Variants in IMMP2L observed in about 807,000 individuals in gnomAD.
The protein encoded by IMMP2L is mitochondrial inner membrane protease subunit 2.
In IMMP2L, 18 loss-of-function variants were observed where a neutral mutation model predicts 19.3. The ratio of observed to expected loss-of-function variants is 0.93; its 90% confidence interval spans 0.64 to 1.38. IMMP2L has a LOEUF of 1.38. Among genes scored for constraint, IMMP2L ranks in the 40% most tolerant of loss-of-function variants. The pLI, the probability that IMMP2L is intolerant of heterozygous loss-of-function variation, is 0.00. For synonymous variants in IMMP2L, 76 were observed against 73.0 expected, an observed-to-expected ratio of 1.04 and a Z score of -0.21; for missense variants, 233 against 218.2, an observed-to-expected ratio of 1.07 and a Z score of -0.43.
At chr7:111,310,346 A>T (rs1179899038) in intron 3 of IMMP2L, among the ~76,000 whole-genome samples, 1 of 152,020 alleles carries the variant, frequency 6.6e-6, no homozygotes, top group Non-Finnish European at 1.5e-5. Context: ...ATGGCACAAA[A>T]AGTATTAAGA....
chr7:110,704,152 C>A (rs1056639849), intron 5 of IMMP2L, among the ~76,000 whole-genome samples: 1 of 152,068 alleles, frequency 6.6e-6, no homozygotes, highest in African/African-American at 2.4e-5. Context: ...GAGTTACTTA[C>A]CAAATTCCTA....
intron 1 of IMMP2L, among the ~76,000 whole-genome samples, chr7:111,547,509 C>G (rs1308652014): frequency 6.7e-6 from 1 of 150,242 alleles, no homozygotes; most frequent in Non-Finnish European, 1.5e-5. Flanking sequence ...TGTCATACCC[C>G]CCCCCCCTTT....
chr7:110,901,998 C>CATT (rs1811920025), intron 4 of IMMP2L, among the ~76,000 whole-genome samples: 1 of 151,956 alleles, frequency 6.6e-6, no homozygotes, highest in Non-Finnish European at 1.5e-5. Context: ...GAAAGATAAA[C>CATT]ATTATTGAAA....
intron 3 of IMMP2L, among the ~76,000 whole-genome samples, chr7:111,322,287 T>G (rs139587002): frequency 6.6e-6 from 1 of 151,930 alleles, no homozygotes; most frequent in Non-Finnish European, 1.5e-5. Context: ...GCCAGATAAA[T>G]AGATTCTCAA....
intron 3 of IMMP2L, among the ~76,000 whole-genome samples, chr7:111,173,777 A>T (rs1322037505): frequency 6.6e-6 from 1 of 151,680 alleles, no homozygotes; most frequent in Non-Finnish European, 1.5e-5. Flanking sequence ...AATGAAAACT[A>T]ATCAGTCACA....
intron 4 of IMMP2L, among the ~76,000 whole-genome samples, chr7:110,895,446 A>G (rs760717701): frequency 1.3e-5 from 2 of 152,122 alleles, no homozygotes; most frequent in Non-Finnish European, 2.9e-5. Context: ...AGGTCTTGAA[A>G]TCAGGTGCAA....
chr7:111,133,763 G>C (rs1451884594), intron 3 of IMMP2L, among the ~76,000 whole-genome samples: 3 of 151,798 alleles, frequency 2.0e-5, no homozygotes, highest in Admixed American at 2.0e-4. Context: ...AAAGACAAAA[G>C]AAAATAGACA....
At chr7:111,207,763 T>C (rs1179426377) in intron 3 of IMMP2L, among the ~76,000 whole-genome samples, 3 of 152,038 alleles carry the variant, frequency 2.0e-5, no homozygotes, top group African/African-American at 7.2e-5. Context: ...CTCAATCTCC[T>C]GATCTCGTGA....
chr7:110,785,259 T>C (rs952276244), intron 5 of IMMP2L, among the ~76,000 whole-genome samples: 4 of 151,998 alleles, frequency 2.6e-5, no homozygotes, highest in Non-Finnish European at 5.9e-5. Context: ...TTTTAAAAAT[T>C]TGCATCAACA....
At position 111,204,477 on chromosome 7, in the gene IMMP2L, G is replaced by A. The variant is rs73714688; in HGVS notation, c.240-240912C>T. ...CCAAGCATACTAAGTATTAAATAAT[G>A]CCAGTTGATCTATATTATGTGTATT... is the stretch of plus-strand genomic sequence containing the variant. On this transcript the variant is annotated intron_variant, in intron 3 of 5. Coordinates refer to ENST00000405709, the MANE Select transcript of IMMP2L (RefSeq NM_032549.4). Among the ~76,000 whole-genome samples, 310 of 152,108 alleles carry A rather than the reference G, an allele frequency of 2.0e-3. 3 individuals carry two copies. The highest frequency in any genetic ancestry group is 7.1e-3 in the African/African-American group (294 of 41,500).
chr7:111,163,145 G>A (rs769781085), intron 3 of IMMP2L, among the ~76,000 whole-genome samples: 1 of 152,106 alleles, frequency 6.6e-6, no homozygotes, highest in Non-Finnish European at 1.5e-5. Context: ...CATTCTGGGA[G>A]ACAACTGTCA....
At chr7:110,862,209 G>A (rs1049452983) in intron 5 of IMMP2L, among the ~76,000 whole-genome samples, 3 of 151,468 alleles carry the variant, frequency 2.0e-5, no homozygotes, top group African/African-American at 7.3e-5. Flanking sequence ...GACTTTTAAA[G>A]TCAATTTTTT....
intron 5 of IMMP2L, among the ~76,000 whole-genome samples, chr7:110,814,584 A>C (rs1802317528): frequency 6.6e-6 from 1 of 150,864 alleles, no homozygotes. Flanking sequence ...TACCAGGACA[A>C]CCTGATTTCT....
intron 3 of IMMP2L, among the ~76,000 whole-genome samples, chr7:110,987,564 G>A (rs1445170105): frequency 6.6e-6 from 1 of 152,130 alleles, no homozygotes; most frequent in Non-Finnish European, 1.5e-5. Flanking sequence ...GATGTTAATG[G>A]TAGAACCTTA....
chr7:111,426,321 C>A lies in IMMP2L; in HGVS notation c.239+60917G>T, dbSNP rs79004889. Reference sequence around the variant, plus strand: ...AATCACCAGTATAATTTAGGTTTTGCTTATTCACCACTAAATCACAGCAAC... The same window carrying A: ...AATCACCAGTATAATTTAGGTTTTGATTATTCACCACTAAATCACAGCAAC... On this transcript the variant is annotated intron_variant, in intron 3 of 5. Coordinates refer to ENST00000405709, the MANE Select transcript of IMMP2L (RefSeq NM_032549.4). Among the ~76,000 whole-genome samples, 798 of 150,960 alleles carry A rather than the reference C, an allele frequency of 5.3e-3. 33 individuals are homozygous for A. The highest frequency in any genetic ancestry group is 0.036 in the Admixed American group (544 of 15,128).
intron 3 of IMMP2L, among the ~76,000 whole-genome samples, chr7:111,254,018 C>T (rs553005049): frequency 6.6e-6 from 1 of 152,216 alleles, no homozygotes; most frequent in African/African-American, 2.4e-5. Flanking sequence ...TTATCTAACT[C>T]CACATAGTGC....
At chr7:111,380,273 T>C (rs753471394) in intron 3 of IMMP2L, among the ~76,000 whole-genome samples, 1 of 151,950 alleles carries the variant, frequency 6.6e-6, no homozygotes, top group African/African-American at 2.4e-5. Context: ...AAGTTAGATA[T>C]TTAATATCTT....
intron 1 of IMMP2L, among the ~76,000 whole-genome samples, chr7:111,539,218 GAAAGAAAGAA>G (rs1563331085): frequency 6.3e-5 from 7 of 111,986 alleles, no homozygotes; most frequent in African/African-American, 1.5e-4. Context: ...AAGAAAGAAA[GAAAGAAAGAA>G]AGAAAGAAAG....
chr7:110,843,526 G>A (rs940059022), intron 5 of IMMP2L, among the ~76,000 whole-genome samples: 3 of 152,080 alleles, frequency 2.0e-5, no homozygotes, highest in South Asian at 4.1e-4. Flanking sequence ...CACTTATTCG[G>A]TTATATTATT....
Sources: gnomAD v4.1 joint callset for allele counts (sites outside exome capture counted in the v4.1 genomes callset) on GRCh38, gnomAD v4.1.1 for gene constraint, MANE v1.5 for transcripts, NCBI Gene and HGNC (gene_info 2026-07-23, HGNC 2026-07-21) for gene names.